The following CDH4 variants were observed in gnomAD, a reference collection of about 807,000 sequenced individuals.
The protein encoded by CDH4 is cadherin 4, also known as cadherin-4.
A neutral mutation model predicts 86.0 loss-of-function variants in CDH4; 33 were observed. The ratio of observed to expected loss-of-function variants is 0.38; its 90% CI spans 0.29 to 0.51. CDH4 has a LOEUF of 0.51. CDH4 is among the 20% of genes least tolerant of loss of function. The probability of loss-of-function intolerance (pLI) is 0.86; values close to 1 mark genes in which losing one functional copy is unlikely to be tolerated. For missense variants in CDH4, 1,114 were observed against 1,307.4 expected (o/e 0.85, Z 2.28); for synonymous variants, 555 against 549.4 (o/e 1.01, Z -0.14).
In CDH4 at chr20:61,811,833, G is replaced by A. The variant is rs748103452; in HGVS notation, c.577-32835G>A. On this transcript the variant is annotated intron_variant, in intron 4 of 15. Coordinates refer to ENST00000614565, the MANE Select transcript of CDH4 (RefSeq NM_001794.5). The surrounding 1 kb of genome is among the most constrained non-coding windows in gnomAD (Gnocchi z 4.4). The stretch of plus-strand genomic sequence containing the variant: ...ACTACAGGCACACGTCACCATGCCC[G>A]GTTAATTTTTGTATTTTTAGTAGAG... Among the ~76,000 whole-genome samples, 15 of 151,982 alleles carry A rather than the reference G, an allele frequency of 9.9e-5. No homozygotes were observed. Among genetic ancestry groups the A allele is most frequent in the Non-Finnish European group, 2.1e-4 (14 of 67,992 alleles).
At chr20:61,260,022 C>G (rs1013647153) in intron 2 of CDH4, among the ~76,000 whole-genome samples, 1 of 152,142 alleles carries the variant, frequency 6.6e-6, no homozygotes, top group African/African-American at 2.4e-5. Flanking sequence ...ATGGCAGAGC[C>G]CTGGACTCAT....
At chr20:61,554,351 C>T (rs530268466) in intron 2 of CDH4, among the ~76,000 whole-genome samples, 4 of 152,304 alleles carry the variant, frequency 2.6e-5, no homozygotes, top group East Asian at 1.9e-4. Context: ...GTAGAGGAGG[C>T]ACAGGCTCTG....
intron 3 of CDH4, among the ~76,000 whole-genome samples, chr20:61,767,441 G>A (rs139435097): frequency 6.6e-6 from 1 of 152,320 alleles, no homozygotes; most frequent in Non-Finnish European, 1.5e-5. Flanking sequence ...GGTGTTCCCT[G>A]CCGTGTGGAG....
At chr20:61,306,664 CA>C (rs1021968544) in intron 2 of CDH4, among the ~76,000 whole-genome samples, 1 of 152,170 alleles carries the variant, frequency 6.6e-6, no homozygotes, top group Non-Finnish European at 1.5e-5. Context: ...TTTTCATTGT[CA>C]TATACACAAA....
rs1463732995 is a variant in CDH4 at position 61,754,299 on chromosome 20, A to T, written c.396+10510A>T. ...AGATGGCAGAGTGCAGACAGACCCC[A>T]AGGCATCCCCGAAGGCAGGGAGGAG... On this transcript the variant is annotated intron_variant, in intron 3 of 15. Coordinates refer to ENST00000614565, the MANE Select transcript of CDH4 (RefSeq NM_001794.5). This position sits in a 1 kb window ranked among gnomAD's most constrained non-coding sequence, Gnocchi z 4.7. Among the ~76,000 whole-genome samples, 15 of 152,178 alleles carry T rather than the reference A, an allele frequency of 9.9e-5. No individual in the cohort carries two copies. In the South Asian group the frequency reaches 3.1e-3, roughly 32 times the overall value.
chr20:61,686,179 G>A lies in CDH4; in HGVS notation c.170-57384G>A, dbSNP rs150103887. ...TTCCTAAAAGAATCAGAAGTTTCAC[G>A]AAACTCCTAGAGTTCTACAAACTGT... On this transcript the variant is annotated intron_variant, in intron 2 of 15. Transcript: ENST00000614565. Among the ~76,000 whole-genome samples the A allele has an allele frequency of 2.2e-4, 34 of 152,306 alleles. No homozygotes were observed. In the East Asian group the frequency reaches 4.6e-3, roughly 21 times the overall value.
chr20:61,635,187 C>T (rs2086934131), intron 2 of CDH4, among the ~76,000 whole-genome samples: 1 of 152,160 alleles, frequency 6.6e-6, no homozygotes, highest in Admixed American at 6.5e-5. Flanking sequence ...GGCAGTAACT[C>T]TAGGTTTAAT....
At position 61,265,325 on chromosome 20, in the gene CDH4, C is replaced by T. The variant is rs2123128315; in HGVS notation, c.169+10388C>T. 2.0e-5 allele frequency among the ~76,000 whole-genome samples: 3 copies of T among 149,518 alleles called. No homozygotes were observed. The South Asian group carries it at 6.2e-4, about 31-fold the overall frequency. ...AATCTTACACATACCCCAGTGGCTC[C>T]TTCATTCAGTCCTACACATATCTCA... On this transcript the variant is annotated intron_variant, in intron 2 of 15. Coordinates refer to ENST00000614565, the MANE Select transcript of CDH4 (RefSeq NM_001794.5).
In CDH4 at chr20:61,343,565, A is replaced by G. The variant is rs576116198; in HGVS notation, c.169+88628A>G. Among the ~76,000 whole-genome samples, 639 of 152,334 alleles carry G rather than the reference A, an allele frequency of 4.2e-3. 8 individuals are homozygous for G. Among genetic ancestry groups the G allele is most frequent in the African/African-American group, 0.015 (617 of 41,564 alleles). On this transcript the variant is annotated intron_variant, in intron 2 of 15. Coordinates refer to ENST00000614565, the MANE Select transcript of CDH4 (RefSeq NM_001794.5). ...TTTTTTAAGATCCTGCTGCAGCAGT[A>G]TAAAACTCTCAGTGGTTCCAGCGGC...
rs550509784 is a variant in CDH4 at position 61,626,133 on chromosome 20, G to A, written c.170-117430G>A. ...GTTGTAGCAGGGAACAGAAGAGACC[G>A]AGACCCTGCCCTTGGGAAGGGGACA... On this transcript the variant is annotated intron_variant, in intron 2 of 15. Coordinates refer to ENST00000614565, the MANE Select transcript of CDH4 (RefSeq NM_001794.5). Among the ~76,000 whole-genome samples the A allele has an allele frequency of 1.0e-3, 157 of 152,372 alleles. 2 individuals are homozygous for A. The highest frequency in any genetic ancestry group is 3.4e-3 in the African/African-American group (140 of 41,598).
At position 61,676,211 on chromosome 20, in the gene CDH4, C is replaced by T. The variant is rs1308733377; in HGVS notation, c.170-67352C>T. 6.6e-6 allele frequency among the ~76,000 whole-genome samples: 1 copy of T among 152,204 alleles called. No homozygotes were observed. Among genetic ancestry groups the T allele is most frequent in the East Asian group, 1.9e-4 (1 of 5,192 alleles). ...TTCCGTCATTCCCATTAACATTCGC[C>T]TGGTGTCAGGAACGGTCAGGAACGG... On this transcript the variant is annotated intron_variant, in intron 2 of 15. Coordinates refer to ENST00000614565, the MANE Select transcript of CDH4 (RefSeq NM_001794.5). The surrounding 1 kb of genome is among the most constrained non-coding windows in gnomAD (Gnocchi z 4.5).
chr20:61,843,407 A>T (rs77960089), intron 4 of CDH4, among the ~76,000 whole-genome samples: 1 of 138,390 alleles, frequency 7.2e-6, no homozygotes, highest in Non-Finnish European at 1.5e-5. Context: ...CCGAGATTGC[A>T]CCACTGCAGT....
chr20:61,620,234 A>ACAGG (rs1292739162), intron 2 of CDH4, among the ~76,000 whole-genome samples: 1 of 131,956 alleles, frequency 7.6e-6, no homozygotes, highest in East Asian at 2.3e-4. Context: ...AGGCAGACAG[A>ACAGG]CAGACATAGA....
intron 2 of CDH4, among the ~76,000 whole-genome samples, chr20:61,339,597 A>G (rs528233066): frequency 6.6e-6 from 1 of 152,244 alleles, no homozygotes; most frequent in African/African-American, 2.4e-5. Context: ...CTCATAATAG[A>G]TGGAATTATT....
chr20:61,835,845 C>T (rs1981847866), intron 4 of CDH4, among the ~76,000 whole-genome samples: 1 of 152,198 alleles, frequency 6.6e-6, no homozygotes, highest in Admixed American at 6.5e-5. Context: ...GCCCTCTGGT[C>T]AGCTCTGTCC....
At chr20:61,881,630 G>A (rs924248313) in intron 7 of CDH4, among the ~76,000 whole-genome samples, 1 of 152,222 alleles carries the variant, frequency 6.6e-6, no homozygotes, top group African/African-American at 2.4e-5. Flanking sequence ...GTCTCCATCT[G>A]AGAAGGGCCA....
At chr20:61,407,653 T>A (rs1235251173) in intron 2 of CDH4, among the ~76,000 whole-genome samples, 1 of 152,138 alleles carries the variant, frequency 6.6e-6, no homozygotes, top group Non-Finnish European at 1.5e-5. Context: ...TGATAAAACA[T>A]GTGAAGGAAT....
chr20:61,756,786 G>T (rs898787315), intron 3 of CDH4, among the ~76,000 whole-genome samples: 2 of 152,098 alleles, frequency 1.3e-5, no homozygotes, highest in African/African-American at 4.8e-5. Flanking sequence ...TAACTGAAGG[G>T]GGCTACAGGT....
chr20:61,635,660 C>A (rs1324415556), intron 2 of CDH4, among the ~76,000 whole-genome samples: 1 of 152,172 alleles, frequency 6.6e-6, no homozygotes, highest in Non-Finnish European at 1.5e-5. Context: ...GAGAGGGCAT[C>A]CCAGGGAAGC....
Sources: allele counts gnomAD v4.1 joint callset (sites outside exome capture counted in the v4.1 genomes callset), GRCh38; gene constraint gnomAD v4.1.1; non-coding constraint Gnocchi (gnomAD v3.1); transcripts MANE v1.5; gene names NCBI Gene and HGNC (gene_info 2026-07-23, HGNC 2026-07-21).